TMEM132D: variants seen among roughly 807,000 people sequenced by gnomAD.
TMEM132D encodes the protein transmembrane protein 132D.
TMEM132D carries 21 observed loss-of-function variants against 62.3 expected under a neutral mutation model. The ratio of observed to expected loss-of-function variants is 0.34; its 90% CI spans 0.24 to 0.49. The LOEUF (loss-of-function observed/expected upper bound fraction) is 0.49, where lower values mean the gene tolerates loss of function less well. TMEM132D is among the 20% of genes least tolerant of loss of function. TMEM132D has a pLI of 0.99. For synonymous variants in TMEM132D, 621 were observed against 575.6 expected (o/e 1.08, Z -1.13); for missense variants, 1,346 against 1,402.8 (o/e 0.96, Z 0.65).
At chr12:129,740,128 A>G (rs896248992) in intron 1 of TMEM132D, among the ~76,000 whole-genome samples, 6 of 151,076 alleles carry the variant, frequency 4.0e-5, no homozygotes, top group African/African-American at 1.5e-4. Context: ...ACTATTGACC[A>G]CTCCTGCTAC....
intron 1 of TMEM132D, among the ~76,000 whole-genome samples, chr12:129,742,101 CAG>C (rs1219103041): frequency 6.6e-6 from 1 of 152,194 alleles, no homozygotes; most frequent in Non-Finnish European, 1.5e-5. Context: ...TGTACTGTGT[CAG>C]AGACTTCAGA....
At chr12:129,849,617 C>T (rs543856168) in intron 1 of TMEM132D, among the ~76,000 whole-genome samples, 33 of 152,306 alleles carry the variant, frequency 2.2e-4, no homozygotes, top group South Asian at 8.3e-4. Context: ...TTTACAAAAG[C>T]TAACTGGTCA....
chr12:129,659,091 T>G (rs1001030698), intron 2 of TMEM132D, among the ~76,000 whole-genome samples: 1 of 152,056 alleles, frequency 6.6e-6, no homozygotes, highest in African/African-American at 2.4e-5. Flanking sequence ...GTTTGTTTGT[T>G]TGTAGGGATG....
intron 5 of TMEM132D, among the ~76,000 whole-genome samples, chr12:129,178,448 T>TG (rs1877971000): frequency 6.7e-6 from 1 of 149,822 alleles, no homozygotes; most frequent in African/African-American, 2.4e-5. Context: ...TTTTTTTTTT[T>TG]TGTGACTTTT....
chr12:129,317,251 C>T (rs1868519480), intron 4 of TMEM132D, among the ~76,000 whole-genome samples: 1 of 152,072 alleles, frequency 6.6e-6, no homozygotes, highest in South Asian at 2.1e-4. Flanking sequence ...GTGATTTATG[C>T]TTTAAAGAGG....
rs187589880 is a variant in TMEM132D, at chr12:129,747,586, G to T, written c.80-46888C>A. On this transcript the variant is annotated intron_variant, in intron 1 of 8. Transcript: ENST00000422113. ...CACTTTCAGACACACACACACACGC[G>T]CTCACATGCACACTTGACATACAGA... Among the ~76,000 whole-genome samples, 17 of 136,296 alleles carry T rather than the reference G, an allele frequency of 1.2e-4. No individual in the cohort carries two copies. In the South Asian group the frequency reaches 4.1e-3, roughly 33 times the overall value. The allele number at this position is 136,296 out of a possible 152,430, so 89.4% of individuals were successfully genotyped here. A position where few individuals can be genotyped will look rare whatever the true frequency, so the allele number is the denominator to read the frequency against.
At chr12:129,736,203 C>T (rs569086053) in intron 1 of TMEM132D, among the ~76,000 whole-genome samples, 2 of 152,172 alleles carry the variant, frequency 1.3e-5, no homozygotes, top group African/African-American at 4.8e-5. Context: ...GAGGAACATG[C>T]CCTACAAAAG....
intron 1 of TMEM132D, among the ~76,000 whole-genome samples, chr12:129,790,789 T>C (rs1190107872): frequency 6.6e-6 from 1 of 152,230 alleles, no homozygotes; most frequent in Admixed American, 6.5e-5. Flanking sequence ...CTGCCTCCTG[T>C]CCTTATCAGT....
chr12:129,829,933 TTTTAAG>T (rs1402581394), intron 1 of TMEM132D, among the ~76,000 whole-genome samples: 1 of 152,040 alleles, frequency 6.6e-6, no homozygotes, highest in Non-Finnish European at 1.5e-5. Flanking sequence ...AAACCTCAGG[TTTTAAG>T]TTTGTTTGTC....
intron 2 of TMEM132D, among the ~76,000 whole-genome samples, chr12:129,623,736 CAT>C (rs1168069991): frequency 8.3e-5 from 11 of 132,668 alleles, no homozygotes; most frequent in Middle Eastern, 3.9e-3. Flanking sequence ...TACATATATA[CAT>C]ATATATACAC....
chr12:129,457,952 C>T (rs1005234436), intron 3 of TMEM132D, among the ~76,000 whole-genome samples: 2 of 152,200 alleles, frequency 1.3e-5, no homozygotes, highest in African/African-American at 2.4e-5. Context: ...TCCCCACTTC[C>T]TCCCTGGTGC....
intron 5 of TMEM132D, among the ~76,000 whole-genome samples, chr12:129,169,700 A>C (rs563449990): frequency 2.6e-5 from 4 of 152,290 alleles, no homozygotes; most frequent in African/African-American, 9.6e-5. Flanking sequence ...GAACTTCATC[A>C]ATAAGAGGGG....
chr12:129,644,745 G>A (rs986343543), intron 2 of TMEM132D, among the ~76,000 whole-genome samples: 1 of 151,452 alleles, frequency 6.6e-6, no homozygotes, highest in African/African-American at 2.4e-5. Flanking sequence ...TTGGGAGGCC[G>A]AGGTGGGCAG....
At chr12:129,244,332 G>T (rs886426132) in intron 4 of TMEM132D, among the ~76,000 whole-genome samples, 4 of 147,206 alleles carry the variant, frequency 2.7e-5, no homozygotes, top group East Asian at 2.1e-4. Flanking sequence ...CTTGCAGTGA[G>T]CCGAGATCGC....
intron 1 of TMEM132D, among the ~76,000 whole-genome samples, chr12:129,754,376 T>C (rs1040978506): frequency 5.9e-5 from 9 of 152,166 alleles, no homozygotes; most frequent in Non-Finnish European, 8.8e-5. Context: ...GGATGCTAAG[T>C]CTGGAACTTT....
At chr12:129,344,641 C>T (rs191849073) in intron 3 of TMEM132D, among the ~76,000 whole-genome samples, 11 of 152,236 alleles carry the variant, frequency 7.2e-5, no homozygotes, top group African/African-American at 2.6e-4. Context: ...TAAAGTCCCT[C>T]TTGGCTAAGA....
At chr12:129,733,450 C>G (rs1425051425) in intron 1 of TMEM132D, among the ~76,000 whole-genome samples, 1 of 152,166 alleles carries the variant, frequency 6.6e-6, no homozygotes, top group South Asian at 2.1e-4. Context: ...GTGAATGAGA[C>G]TTCAGATAAT....
intron 2 of TMEM132D, among the ~76,000 whole-genome samples, chr12:129,553,220 G>A (rs922980570): frequency 6.6e-6 from 1 of 152,024 alleles, no homozygotes; most frequent in African/African-American, 2.4e-5. Context: ...CTGCTGCCCC[G>A]ATGCCCAGCT....
At chr12:129,162,741 G>T (rs1293513692) in intron 5 of TMEM132D, among the ~76,000 whole-genome samples, 1 of 152,120 alleles carries the variant, frequency 6.6e-6, no homozygotes, top group Non-Finnish European at 1.5e-5. Context: ...CACCATGTTT[G>T]GAAGCTTCCT....
Sources: gnomAD v4.1 joint callset for allele counts (sites outside exome capture counted in the v4.1 genomes callset) on GRCh38, gnomAD v4.1.1 for gene constraint, MANE v1.5 for transcripts, NCBI Gene and HGNC (gene_info 2026-07-23, HGNC 2026-07-21) for gene names.